LRP1B: variants seen among roughly 807,000 people sequenced by gnomAD.
LRP1B encodes the protein low-density lipoprotein receptor-related protein 1B.
Under a neutral mutation model 556.6 loss-of-function variants are expected in LRP1B, and 217 were observed. The ratio of observed to expected loss-of-function variants is 0.39; its 90% CI spans 0.35 to 0.44. The LOEUF (loss-of-function observed/expected upper bound fraction) is 0.44, where lower values mean the gene tolerates loss of function less well. Ranked by LOEUF, LRP1B falls within the 20% of genes least tolerant of loss-of-function variation. The pLI is 1.00. For synonymous variants in LRP1B, 2,047 were observed against 1,865.8 expected, an observed-to-expected ratio of 1.10 and a Z score of -2.50; for missense variants, 5,053 against 5,620.8, an observed-to-expected ratio of 0.90 and a Z score of 3.23.
At chr2:141,360,351 G>A (rs962076868) in intron 3 of LRP1B, among the ~76,000 whole-genome samples, 1 of 152,158 alleles carries the variant, frequency 6.6e-6, no homozygotes, top group African/African-American at 2.4e-5. Flanking sequence ...CGTTTATTCA[G>A]TATTAAAAGT....
chr2:140,668,176 C>T (rs1475384077), intron 41 of LRP1B, among the ~76,000 whole-genome samples: 3 of 151,678 alleles, frequency 2.0e-5, no homozygotes, highest in South Asian at 2.1e-4. Flanking sequence ...CCGGGTGTGG[C>T]GGCGTGCACC....
chr2:141,591,674 C>T (rs1165723212), intron 2 of LRP1B, among the ~76,000 whole-genome samples: 2 of 151,358 alleles, frequency 1.3e-5, no homozygotes, highest in African/African-American at 2.4e-5. Context: ...GCAGACAGAC[C>T]TAAATTTAGT....
chr2:141,035,382 CT>C (rs1269246422), intron 11 of LRP1B, among the ~76,000 whole-genome samples: 2 of 151,492 alleles, frequency 1.3e-5, no homozygotes, highest in African/African-American at 4.8e-5. Flanking sequence ...ATAAAAAAAT[CT>C]TTTCAGTATT....
chr2:142,000,538 A>G (rs1702623305), intron 1 of LRP1B, among the ~76,000 whole-genome samples: 1 of 152,196 alleles, frequency 6.6e-6, no homozygotes, highest in Non-Finnish European at 1.5e-5. Flanking sequence ...TAAGAATAAG[A>G]TGACTACAGA....
intron 7 of LRP1B, among the ~76,000 whole-genome samples, chr2:141,116,186 T>C (rs1700894424): frequency 6.6e-6 from 1 of 152,198 alleles, no homozygotes; most frequent in Admixed American, 6.5e-5. Flanking sequence ...ATTCATATAC[T>C]CTAGCCTATT....
intron 1 of LRP1B, among the ~76,000 whole-genome samples, chr2:142,007,486 A>C (rs140953257): frequency 4.7e-4 from 71 of 152,336 alleles, no homozygotes; most frequent in Non-Finnish European, 8.2e-4. Flanking sequence ...TTTTCCAAGC[A>C]AAAGTGGACT....
At chr2:141,866,043 G>A (rs1558927791) in intron 1 of LRP1B, among the ~76,000 whole-genome samples, 1 of 152,228 alleles carries the variant, frequency 6.6e-6, no homozygotes, top group Non-Finnish European at 1.5e-5. Flanking sequence ...GAGCAGAGCT[G>A]GAGAATAGGG....
rs553128633 is a variant in LRP1B, at chr2:140,246,086, GACA to G, written c.13324+997_13324+999del. 1.2e-4 allele frequency among the ~76,000 whole-genome samples: 18 copies of G among 151,470 alleles called. No homozygotes were observed. The South Asian group carries it at 3.3e-3, about 28-fold the overall frequency. On this transcript the variant is annotated intron_variant, in intron 87 of 90. Transcript: ENST00000389484. Reference sequence around the variant, plus strand: ...GATATCGAAACTGTCTGGGGGCAGAGACAACAAACAGGAATGTCAGCAGAGATG... The same window carrying G: ...GATATCGAAACTGTCTGGGGGCAGAGACAAACAGGAATGTCAGCAGAGATG...
chr2:141,548,509 T>A (rs757740903), intron 2 of LRP1B, among the ~76,000 whole-genome samples: 1 of 152,216 alleles, frequency 6.6e-6, no homozygotes, highest in Non-Finnish European at 1.5e-5. Flanking sequence ...AAAGACATGC[T>A]GACCTTTGAG....
chr2:141,656,363 T>C (rs1021531624), intron 2 of LRP1B, among the ~76,000 whole-genome samples: 5 of 152,178 alleles, frequency 3.3e-5, no homozygotes, highest in African/African-American at 7.2e-5. Context: ...ACATTAAAGA[T>C]AAATGTTTCA....
chr2:141,308,680 A>G (rs1686692806), intron 3 of LRP1B, among the ~76,000 whole-genome samples: 2 of 152,144 alleles, frequency 1.3e-5, no homozygotes, highest in African/African-American at 4.8e-5. Flanking sequence ...TTTGGCACAC[A>G]AAGTGTACAG....
chr2:140,500,326 A>G (rs1558925369), intron 55 of LRP1B, among the ~76,000 whole-genome samples: 1 of 151,998 alleles, frequency 6.6e-6, no homozygotes, highest in South Asian at 2.1e-4. Context: ...CTAAGTTAAT[A>G]ATACCAGAAA....
intron 41 of LRP1B, among the ~76,000 whole-genome samples, chr2:140,699,230 T>C (rs1053999070): frequency 1.3e-5 from 2 of 152,042 alleles, no homozygotes; most frequent in African/African-American, 2.4e-5. Context: ...TAGAACTAGG[T>C]AGAGGCTTTC....
chr2:140,702,335 T>G (rs199848017), intron 38 of LRP1B, 43 bp from the exon 39 acceptor site: 8 of 1,606,602 alleles, frequency 5.0e-6, no homozygotes, highest in Admixed American at 1.7e-5. Context: ...TATATTTGAT[T>G]GTTTTATTAA....
At chr2:142,027,354 A>T (rs1703543362) in intron 1 of LRP1B, among the ~76,000 whole-genome samples, 1 of 151,792 alleles carries the variant, frequency 6.6e-6, no homozygotes, top group Non-Finnish European at 1.5e-5. Context: ...GTGAGTAGCA[A>T]AGCCCAGCAT....
At chr2:141,349,017 C>T (rs1688354197) in intron 3 of LRP1B, among the ~76,000 whole-genome samples, 1 of 152,024 alleles carries the variant, frequency 6.6e-6, no homozygotes, top group Non-Finnish European at 1.5e-5. Flanking sequence ...CCACATGGAA[C>T]TCTAAGTCCA....
chr2:141,578,739 G>A (rs989646908), intron 2 of LRP1B, among the ~76,000 whole-genome samples: 12 of 152,110 alleles, frequency 7.9e-5, no homozygotes, highest in East Asian at 7.7e-4. Context: ...CCAAGTGTAC[G>A]CTGCCTGAAG....
At chr2:141,627,221 C>G (rs79682732) in intron 2 of LRP1B, among the ~76,000 whole-genome samples, 2 of 152,136 alleles carry the variant, frequency 1.3e-5, no homozygotes, top group Admixed American at 6.5e-5. Flanking sequence ...TTGATTCCAG[C>G]TATGACATGC....
At chr2:141,917,467 T>C (rs1700068726) in intron 1 of LRP1B, among the ~76,000 whole-genome samples, 1 of 152,188 alleles carries the variant, frequency 6.6e-6, no homozygotes, top group Non-Finnish European at 1.5e-5. Flanking sequence ...GGACATTAGT[T>C]TTTTCTGGAA....
Sources: gnomAD v4.1 joint callset for allele counts (sites outside exome capture counted in the v4.1 genomes callset) on GRCh38, gnomAD v4.1.1 for gene constraint, MANE v1.5 for transcripts, NCBI Gene and HGNC (gene_info 2026-07-23, HGNC 2026-07-21) for gene names.